FCRL3: variants seen among roughly 807,000 people sequenced by gnomAD.
FCRL3 encodes Fc receptor like 3, also known as Fc receptor-like protein 3.
FCRL3 carries 89 observed loss-of-function variants against 75.0 expected under a neutral mutation model. The observed-to-expected ratio is 1.19, with a 90% CI of 1.00 to 1.42. The LOEUF (loss-of-function observed/expected upper bound fraction) is 1.42. Among genes scored for constraint, FCRL3 ranks in the 40% most tolerant of loss-of-function variants. FCRL3 has a pLI of 0.00. For synonymous variants in FCRL3, 376 were observed against 348.5 expected (o/e 1.08, Z -0.88); for missense variants, 946 against 880.0 (o/e 1.07, Z -0.95).
intron 4 of FCRL3, 129 bp from the exon 5 acceptor site, chr1:157,698,048 T>TGGGTG: frequency 1.9e-6 from 2 of 1,047,092 alleles, no homozygotes; most frequent in African/African-American, 1.6e-5. Context: ...CATTGCCATG[T>TGGGTG]GGCCCCAAAT....
At chr1:157,698,776 G>A (rs1431201367) in intron 3 of FCRL3, 147 bp from the exon 4 acceptor site, 3 of 742,848 alleles carry the variant, frequency 4.0e-6, no homozygotes, top group Middle Eastern at 3.9e-4. Context: ...ATAACCTAGG[G>A]AAATGCCTGG....
In FCRL3 at chr1:157,677,938, C is replaced by T. The variant is rs1654563624; in HGVS notation, c.*772G>A. ...CCACATAGATATAGTAGGTTATTGT[C>T]TCGGGGTTAATGGGTGCTTATAAGA... is the stretch of plus-strand genomic sequence containing the variant. On this transcript the variant is annotated 3_prime_UTR_variant, in exon 15 of 15. Transcript: ENST00000368184. The T allele has an allele frequency of 1.0e-6, 1 of 984,198 alleles. No homozygotes were observed. Among genetic ancestry groups the T allele is most frequent in the Non-Finnish European group, 1.2e-6 (1 of 829,078 alleles). 61.0% of individuals were successfully genotyped at this position (984,198 alleles called of 1,614,324 possible).
chr1:157,697,612 C>A, intron 5 of FCRL3, 47 bp downstream of exon 5: 1 of 1,575,178 alleles, frequency 6.3e-7, no homozygotes, highest in Non-Finnish European at 8.6e-7. Context: ...CCCTTTATCC[C>A]CAGTTTCCCT....
rs200531582 is a variant in FCRL3 at position 157,697,437 on chromosome 1, A to C, written c.560-13T>G. 1,933 of 1,529,244 alleles carry C rather than the reference A, an allele frequency of 1.3e-3. 1 individual carries two copies. The highest frequency in any genetic ancestry group is 1.6e-3 in the Non-Finnish European group (1,789 of 1,143,054). 94.7% of individuals were successfully genotyped at this position (1,529,244 alleles called of 1,614,324 possible). ...TGTAGAAACAGCTCTAATGAAAAGA[A>C]ACAACATAGTCTCCAGGGTGGTGAG... is the stretch of plus-strand genomic sequence containing the variant. On this transcript the variant is annotated splice_polypyrimidine_tract_variant and intron_variant, in intron 5 of 14. Coordinates refer to ENST00000368184, the MANE Select transcript of FCRL3 (RefSeq NM_052939.4).
chr1:157,698,628 C>A lies in FCRL3; in HGVS notation c.54G>T (p.Gly18=). 1 of 1,613,884 alleles carries A rather than the reference C, an allele frequency of 6.2e-7. No homozygotes were observed. The highest frequency in any genetic ancestry group is 8.5e-7 in the Non-Finnish European group (1 of 1,179,828). The change falls in exon 4 of 15, where the codon GGG becomes GGT. Residue 18 remains glycine (G), a splice_region_variant and synonymous_variant. Coordinates refer to ENST00000368184, the MANE Select transcript of FCRL3 (RefSeq NM_052939.4). ...GGAGAAGTACAGCTTTTGGGGCCAC[C>A]CCTAAACAGGAAATAGAAAGATGAA... is the stretch of plus-strand genomic sequence containing the variant. The part of the protein sequence containing the change: ...LILTPGREQS[G]VAPKAVLLLN...
intron 7 of FCRL3, 52 bp downstream of exon 7, chr1:157,695,988 A>C: frequency 6.7e-7 from 1 of 1,494,498 alleles, no homozygotes. Flanking sequence ...CTGACAGAGA[A>C]CCTAAACCCT....
intron 13 of FCRL3, among the ~76,000 whole-genome samples, chr1:157,679,913 A>G (rs1654731467): frequency 6.6e-6 from 1 of 151,394 alleles, no homozygotes; most frequent in African/African-American, 2.4e-5. Flanking sequence ...GAAGGGGAGA[A>G]ATGGACATAG....
At chr1:157,685,886 A>AT (rs869177064) in intron 10 of FCRL3, among the ~76,000 whole-genome samples, 1 of 152,008 alleles carries the variant, frequency 6.6e-6, no homozygotes. Context: ...AAATAAAAAA[A>AT]TTTTTTTTAA....
intron 9 of FCRL3, 131 bp downstream of exon 9, chr1:157,690,124 A>C: frequency 7.4e-7 from 1 of 1,349,364 alleles, no homozygotes; most frequent in South Asian, 1.5e-5. Context: ...ATCAGTACCA[A>C]TCTCCAGAAG....
intron 2 of FCRL3, among the ~76,000 whole-genome samples, chr1:157,699,913 G>GCTATT (rs1265479826): frequency 2.0e-5 from 3 of 152,108 alleles, no homozygotes; most frequent in Admixed American, 2.0e-4. Flanking sequence ...CCTCATCTCT[G>GCTATT]CTATTATTTA....
chr1:157,698,560 GCCACTTTTTCTC>G lies in FCRL3; in HGVS notation c.110_121del (p.Gly37_Val40del), dbSNP rs752452101. The G allele has an allele frequency of 6.2e-7, 1 of 1,613,938 alleles. No individual in the cohort carries two copies. Among genetic ancestry groups the G allele is most frequent in the Non-Finnish European group, 8.5e-7 (1 of 1,179,888 alleles). ...ATGTGATATGCTGCTGCATATGAGA[GCCACTTTTTCTC>G]CTTTGAAGGCTGTGGACCATGGAGG... On this transcript the variant is annotated inframe_deletion, in exon 4 of 15. Coordinates refer to ENST00000368184, the MANE Select transcript of FCRL3 (RefSeq NM_052939.4).
At chr1:157,689,466 G>A (rs767413949) in intron 10 of FCRL3, among the ~76,000 whole-genome samples, 2 of 151,978 alleles carry the variant, frequency 1.3e-5, no homozygotes, top group Non-Finnish European at 2.9e-5. Context: ...GGAGTTTATG[G>A]TCACCTCTAT....
In FCRL3 at chr1:157,697,697, A is replaced by T. The variant is rs142287804; in HGVS notation, c.521T>A (p.Ile174Asn). Residue 174 changes from isoleucine to asparagine, a missense_variant, in exon 5 of 15, where the codon ATT becomes AAT. Transcript: ENST00000368184. ...ATTTAGGGGTTTTGAAGTTACTTCA[A>T]TGTCAAGTATGTAAAACTTCCTATA... ...TAYRKFYILD[I>N]EVTSKPLNIQ... The T allele has an allele frequency of 6.2e-7, 1 of 1,614,012 alleles. No individual in the cohort carries two copies. The highest frequency in any genetic ancestry group is 1.7e-5 in the Admixed American group (1 of 60,022).
chr1:157,677,440 G>A lies in FCRL3; in HGVS notation c.*1270C>T, dbSNP rs574844169. ...GAATTGGCAACATTCAGAGATTAAT[G>A]TTAATATAATCTCAGTTGTCCCTAG... On this transcript the variant is annotated 3_prime_UTR_variant, in exon 15 of 15. Transcript: ENST00000368184. 2.9e-5 allele frequency: 29 copies of A among 985,458 alleles called. No homozygotes were observed. The South Asian group carries it at 1.3e-3, about 43-fold the overall frequency. 61.0% of individuals were successfully genotyped at this position (985,458 alleles called of 1,614,324 possible).
chr1:157,693,005 G>A (rs1655648949), intron 8 of FCRL3, among the ~76,000 whole-genome samples: 1 of 152,042 alleles, frequency 6.6e-6, no homozygotes. Flanking sequence ...GCTGGGCGTG[G>A]TGGCTCATGC....
chr1:157,700,693 G>A lies in FCRL3; in HGVS notation c.-128C>T, dbSNP rs992707720. On this transcript the variant is annotated 5_prime_UTR_variant, in exon 1 of 15. Transcript: ENST00000368184. ...AAATGCTGTTTGTATCTCAATCCCG[G>A]TAGTGATACATTTTTAGAAGTTGGG... The A allele has an allele frequency of 7.0e-7, 1 of 1,438,178 alleles. No homozygotes were observed. The highest frequency in any genetic ancestry group is 2.7e-5 in the Admixed American group (1 of 36,366). 89.1% of individuals were successfully genotyped at this position (1,438,178 alleles called of 1,614,324 possible).
At chr1:157,680,938 C>G (rs2101587446) in intron 12 of FCRL3, 43 bp downstream of exon 12, 1 of 1,519,766 alleles carries the variant, frequency 6.6e-7, no homozygotes, top group East Asian at 2.3e-5. Context: ...TCTTCCCTCC[C>G]TGGCTCCTCC....
chr1:157,697,101 C>G (rs1308410663), intron 6 of FCRL3, 39 bp downstream of exon 6: 3 of 1,398,748 alleles, frequency 2.1e-6, no homozygotes, highest in Non-Finnish European at 2.8e-6. Flanking sequence ...TTCCTCTCCC[C>G]AGCTCTGACT....
chr1:157,689,723 T>C (rs1160231327), intron 10 of FCRL3, 75 bp downstream of exon 10: 2 of 1,592,752 alleles, frequency 1.3e-6, no homozygotes, highest in East Asian at 2.3e-5. Context: ...TTGACCTTTA[T>C]AGGGTGCACC....
Sources: gnomAD v4.1 joint callset for allele counts (sites outside exome capture counted in the v4.1 genomes callset) on GRCh38, gnomAD v4.1.1 for gene constraint, MANE v1.5 for transcripts, NCBI Gene and HGNC (gene_info 2026-07-23, HGNC 2026-07-21) for gene names.